ARFGEF3: variants seen among roughly 807,000 people sequenced by gnomAD.
ARFGEF3 encodes ARFGEF family member 3, also known as brefeldin A-inhibited guanine nucleotide-exchange protein 3.
Under a neutral mutation model 221.7 loss-of-function variants are expected in ARFGEF3, and 96 were observed. The observed-to-expected ratio is 0.43, with a 90% CI of 0.37 to 0.51. ARFGEF3 has a LOEUF of 0.51. Among genes scored for constraint, ARFGEF3 ranks in the 20% least tolerant of loss-of-function variants. The pLI is 0.00. For synonymous variants in ARFGEF3, 1,145 were observed against 1,126.8 expected (o/e 1.02, Z -0.32); for missense variants, 2,410 against 2,789.9 (o/e 0.86, Z 3.07).
chr6:138,309,640 C>A (rs1779790186), intron 24 of ARFGEF3, among the ~76,000 whole-genome samples: 1 of 152,156 alleles, frequency 6.6e-6, no homozygotes, highest in Admixed American at 6.5e-5. Context: ...CCACGATAGA[C>A]CATCTGCAAG....
chr6:138,295,487 G>A (rs910761559), intron 20 of ARFGEF3, among the ~76,000 whole-genome samples: 5 of 151,518 alleles, frequency 3.3e-5, no homozygotes, highest in African/African-American at 7.3e-5. Context: ...AAAATTAGCC[G>A]GGTGTCATGG....
At chr6:138,258,870 A>C (rs528469616) in intron 10 of ARFGEF3, among the ~76,000 whole-genome samples, 53 of 152,344 alleles carry the variant, frequency 3.5e-4, no homozygotes, top group African/African-American at 1.1e-3. Flanking sequence ...CAGTAGAGCC[A>C]CTTGGTACCT....
chr6:138,263,761 C>CT, intron 12 of ARFGEF3, 150 bp downstream of exon 12: 2 of 723,894 alleles, frequency 2.8e-6, no homozygotes, highest in South Asian at 4.2e-5. Context: ...GCGAAGAAAT[C>CT]TAAGACCTAT....
chr6:138,218,300 G>A (rs368997138), intron 4 of ARFGEF3: 1 of 1,583,162 alleles, frequency 6.3e-7, no homozygotes, highest in Admixed American at 1.9e-5. Context: ...GTAGCCTTGG[G>A]AAGTTACTTA....
At position 138,336,429 on chromosome 6, in the gene ARFGEF3, C is replaced by T; in HGVS notation, c.6477C>T (p.Arg2159=). 6.2e-7 allele frequency: 1 copy of T among 1,613,332 alleles called. No homozygotes were observed. Among genetic ancestry groups the T allele is most frequent in the Non-Finnish European group, 8.5e-7 (1 of 1,179,648 alleles). ...LTCHVTDIRV[R]QAVREWLGRV... ...GTCACGTGACCGACATCAGAGTTCG[C>T]CAGGCTGTGAGGGAGTGGCTGGGCA... The change falls in exon 34 of 34, where the codon CGC becomes CGT. Residue 2159 remains arginine (R), a synonymous_variant. Transcript: ENST00000251691.
At chr6:138,298,847 G>T (rs750405658) in intron 22 of ARFGEF3, 62 bp downstream of exon 22, 14 of 1,280,546 alleles carry the variant, frequency 1.1e-5, no homozygotes, top group Non-Finnish European at 1.5e-5. Context: ...GGCAGGCACG[G>T]TTCTATGAGC....
Position 138,271,468 on chromosome 6 carries a change from A to G in ARFGEF3, c.2129-6983A>G, listed in dbSNP as rs1011287590. On this transcript the variant is annotated intron_variant, in intron 12 of 33. Transcript: ENST00000251691. ...TAGCTAATCTAACATGGCACTTCCT[A>G]TATGCCCTGCATTGTCTAAAGGTTT... Among the ~76,000 whole-genome samples the G allele has an allele frequency of 1.1e-4, 16 of 152,308 alleles. No individual in the cohort carries two copies. In the East Asian group the frequency reaches 1.3e-3, roughly 13 times the overall value.
chr6:138,324,022 G>A lies in ARFGEF3; in HGVS notation c.4870-1G>A, dbSNP rs1224894963. 1 of 1,612,900 alleles carries A rather than the reference G, an allele frequency of 6.2e-7. No homozygotes were observed. The highest frequency in any genetic ancestry group is 8.5e-7 in the Non-Finnish European group (1 of 1,179,410). On this transcript the variant is annotated splice_acceptor_variant, in intron 30 of 33. Coordinates refer to ENST00000251691, the MANE Select transcript of ARFGEF3 (RefSeq NM_020340.5). LOFTEE classifies it high-confidence loss of function. ...AGTGAGCATCTGCTGTTTCTCCCCA[G>A]GACCTGCTGGGCTGCTTCCACAGCG... is the stretch of plus-strand genomic sequence containing the variant.
chr6:138,302,664 A>T (rs1779647980), intron 22 of ARFGEF3, among the ~76,000 whole-genome samples: 1 of 152,244 alleles, frequency 6.6e-6, no homozygotes, highest in South Asian at 2.1e-4. Flanking sequence ...ACTACAGAGG[A>T]ACTAATGCTA....
chr6:138,329,915 GAGTC>G (rs905249929), intron 32 of ARFGEF3, among the ~76,000 whole-genome samples: 30 of 152,242 alleles, frequency 2.0e-4, no homozygotes, highest in African/African-American at 6.5e-4. Flanking sequence ...TCAGAAAAGA[GAGTC>G]AGCGAAGGGA....
chr6:138,166,343 G>A (rs1017353546), intron 1 of ARFGEF3, among the ~76,000 whole-genome samples: 3 of 152,134 alleles, frequency 2.0e-5, no homozygotes, highest in East Asian at 1.9e-4. Context: ...CTCCCTATCC[G>A]GAGATAACAC....
Position 138,321,231 on chromosome 6 carries a change from G to A in ARFGEF3, c.4766+6G>A. The A allele has an allele frequency of 7.0e-7, 1 of 1,435,154 alleles. No individual in the cohort carries two copies. Among genetic ancestry groups the A allele is most frequent in the Non-Finnish European group, 9.5e-7 (1 of 1,050,512 alleles). The allele number at this position is 1,435,154 out of a possible 1,614,324, so 88.9% of individuals were successfully genotyped here. ...GTGGGCTGCTCCTGTATTAGGTGAG[G>A]AAATGCTTTCCTGACTCTCCACAAA... On this transcript the variant is annotated splice_donor_region_variant and intron_variant, in intron 29 of 33. Coordinates refer to ENST00000251691, the MANE Select transcript of ARFGEF3 (RefSeq NM_020340.5).
At chr6:138,246,960 A>G (rs566439500) in intron 8 of ARFGEF3, among the ~76,000 whole-genome samples, 2 of 152,346 alleles carry the variant, frequency 1.3e-5, no homozygotes, top group Non-Finnish European at 2.9e-5. Flanking sequence ...TATAAATCCT[A>G]TAACATCATG....
intron 20 of ARFGEF3, among the ~76,000 whole-genome samples, chr6:138,295,608 C>T (rs1261195336): frequency 7.0e-6 from 1 of 142,212 alleles, no homozygotes; most frequent in East Asian, 2.1e-4. Context: ...CCAGCCTGGG[C>T]GACAGAGTGA....
intron 22 of ARFGEF3, among the ~76,000 whole-genome samples, chr6:138,301,236 G>A (rs570021492): frequency 6.6e-6 from 1 of 152,318 alleles, no homozygotes; most frequent in Admixed American, 6.5e-5. Context: ...AACCATCTGA[G>A]GGGTCTGGAA....
chr6:138,336,496 G>T lies in ARFGEF3; in HGVS notation c.*10G>T, dbSNP rs369332752. 4 of 1,590,564 alleles carry T rather than the reference G, an allele frequency of 2.5e-6. No individual in the cohort carries two copies. Among genetic ancestry groups the T allele is most frequent in the African/African-American group, 1.3e-5 (1 of 74,074 alleles). ...TGACATCATTGTGTAGCCGACTCCT[G>T]TTCTACTCTCCCACCAAATAACAGT... On this transcript the variant is annotated 3_prime_UTR_variant, in exon 34 of 34. Coordinates refer to ENST00000251691, the MANE Select transcript of ARFGEF3 (RefSeq NM_020340.5).
rs1780381868 is a variant in ARFGEF3, at chr6:138,339,056, A to C, written c.*2570A>C. 6.6e-6 allele frequency: 1 copy of C among 152,120 alleles called. No individual in the cohort carries two copies. The highest frequency in any genetic ancestry group is 6.5e-5 in the Admixed American group (1 of 15,268). The allele number at this position is 152,120 out of a possible 1,614,324, so 9.4% of individuals were successfully genotyped here. ...GGTACCTTCCCATTGTCTTCTCTAT[A>C]ACTCAGTCCTAACATACTCTGCACT... On this transcript the variant is annotated 3_prime_UTR_variant, in exon 34 of 34. Transcript: ENST00000251691.
intron 4 of ARFGEF3, among the ~76,000 whole-genome samples, chr6:138,224,099 T>A (rs994511073): frequency 6.6e-6 from 1 of 152,192 alleles, no homozygotes; most frequent in African/African-American, 2.4e-5. Context: ...TAGGAATCAC[T>A]TCTTTACTCC....
rs564389788 is a variant in ARFGEF3, at chr6:138,326,943, C to T, written c.5002-1078C>T. Among the ~76,000 whole-genome samples the T allele has an allele frequency of 2.0e-5, 3 of 152,310 alleles. No homozygotes were observed. In the South Asian group the frequency reaches 6.2e-4, roughly 32 times the overall value. On this transcript the variant is annotated intron_variant, in intron 31 of 33. Coordinates refer to ENST00000251691, the MANE Select transcript of ARFGEF3 (RefSeq NM_020340.5). ...GTCATAAAAAGGAATGAGATCATGT[C>T]CTTTGCAGGAACCTGGATGGAGTTG...
Sources: gnomAD v4.1 joint callset for allele counts (sites outside exome capture counted in the v4.1 genomes callset) on GRCh38, gnomAD v4.1.1 for gene constraint, MANE v1.5 for transcripts, NCBI Gene and HGNC (gene_info 2026-07-23, HGNC 2026-07-21) for gene names.